NRP1: variants seen among roughly 807,000 people sequenced by gnomAD.
NRP1 encodes the protein neuropilin 1.
Under a neutral mutation model 106.7 loss-of-function variants are expected in NRP1, and 35 were observed. That is an observed-to-expected ratio of 0.33 (90% confidence interval 0.25 to 0.43). The LOEUF is 0.43. Ranked by LOEUF, NRP1 falls within the 20% of genes least tolerant of loss-of-function variation. The pLI is 1.00. For missense variants in NRP1, 1,024 were observed against 1,170.4 expected (o/e 0.87, Z 1.83); for synonymous variants, 437 against 417.9 (o/e 1.05, Z -0.56).
intron 2 of NRP1, among the ~76,000 whole-genome samples, chr10:33,305,303 C>T (rs1051368804): frequency 3.9e-5 from 6 of 152,150 alleles, no homozygotes; most frequent in Admixed American, 6.5e-5. Context: ...ATAATTGATG[C>T]ATGTTGGAAA....
chr10:33,277,126 GAA>G (rs1033238615), intron 2 of NRP1, among the ~76,000 whole-genome samples: 1 of 147,640 alleles, frequency 6.8e-6, no homozygotes, highest in Non-Finnish European at 1.5e-5. Context: ...AAAAAAAAAA[GAA>G]AAAAAATTGC....
intron 2 of NRP1, among the ~76,000 whole-genome samples, chr10:33,295,960 A>G (rs1382006544): frequency 6.6e-6 from 1 of 152,202 alleles, no homozygotes; most frequent in African/African-American, 2.4e-5. Context: ...TTTTGCTTCT[A>G]CAAAATGCCA....
chr10:33,232,611 T>C (rs1360069473), intron 6 of NRP1, among the ~76,000 whole-genome samples: 1 of 151,770 alleles, frequency 6.6e-6, no homozygotes, highest in Non-Finnish European at 1.5e-5. Flanking sequence ...CCTTTTGAGT[T>C]CTAGTGGCCG....
rs773172539 is a variant in NRP1 at position 33,207,652 on chromosome 10, C to T, written c.1679G>A (p.Arg560Gln). 1.8e-5 allele frequency: 29 copies of T among 1,613,984 alleles called. No individual in the cohort carries two copies. The highest frequency in any genetic ancestry group is 1.6e-4 in the Middle Eastern group (1 of 6,082). ...ELRTFPALST[R>Q]FIRIYPERAT... is the part of the protein sequence containing the mutation. ...TCTCTCGGGGTAGATCCTGATGAATCGCGTGGAGAGAGCTGGAAAAGTCCG... is the reference window on the plus strand; with the variant it reads ...TCTCTCGGGGTAGATCCTGATGAATTGCGTGGAGAGAGCTGGAAAAGTCCG... Residue 560 changes from arginine (R) to glutamine (Q), a missense_variant, in exon 10 of 17, where the codon CGA becomes CAA. Coordinates refer to ENST00000374867, the MANE Select transcript of NRP1 (RefSeq NM_003873.7).
At chr10:33,209,153 T>C (rs931788376) in intron 9 of NRP1, among the ~76,000 whole-genome samples, 4 of 152,130 alleles carry the variant, frequency 2.6e-5, no homozygotes, top group Admixed American at 1.3e-4. Flanking sequence ...GTGATCTGCC[T>C]GCCTTGGCCT....
chr10:33,323,096 A>T (rs1847633622), intron 2 of NRP1, among the ~76,000 whole-genome samples: 1 of 152,166 alleles, frequency 6.6e-6, no homozygotes, highest in Admixed American at 6.5e-5. Context: ...TAGGTTGGAC[A>T]TGGTGGCTCA....
At chr10:33,241,741 C>T (rs1268006847) in intron 6 of NRP1, among the ~76,000 whole-genome samples, 1 of 151,844 alleles carries the variant, frequency 6.6e-6, no homozygotes, top group South Asian at 2.1e-4. Flanking sequence ...AAAGACATTC[C>T]TTTCATACAA....
intron 6 of NRP1, among the ~76,000 whole-genome samples, chr10:33,229,684 CA>C (rs1297788885): frequency 1.3e-5 from 2 of 152,014 alleles, no homozygotes; most frequent in Non-Finnish European, 2.9e-5. Context: ...AACTGGTGAT[CA>C]AACAGAAGAT....
At chr10:33,323,042 C>T (rs1284066420) in intron 2 of NRP1, among the ~76,000 whole-genome samples, 1 of 152,020 alleles carries the variant, frequency 6.6e-6, no homozygotes, top group Non-Finnish European at 1.5e-5. Flanking sequence ...GTGCTCATCC[C>T]CATAATGGGC....
intron 5 of NRP1, 132 bp downstream of exon 5, chr10:33,256,184 G>C (rs1182818630): frequency 3.6e-6 from 3 of 839,410 alleles, no homozygotes; most frequent in Non-Finnish European, 5.6e-6. Flanking sequence ...AAAACATTTA[G>C]AAGAGAAAAA....
At chr10:33,306,840 T>G (rs1846200643) in intron 2 of NRP1, among the ~76,000 whole-genome samples, 1 of 152,164 alleles carries the variant, frequency 6.6e-6, no homozygotes, top group Non-Finnish European at 1.5e-5. Flanking sequence ...AATTAATGAG[T>G]GATAGAGACT....
intron 9 of NRP1, among the ~76,000 whole-genome samples, chr10:33,208,785 AG>A (rs1311855704): frequency 2.0e-5 from 3 of 152,064 alleles, no homozygotes; most frequent in Non-Finnish European, 4.4e-5. Flanking sequence ...AAACCATAAA[AG>A]TTCCTCAATT....
At chr10:33,203,954 A>T (rs1227923387) in intron 10 of NRP1, among the ~76,000 whole-genome samples, 1 of 85,616 alleles carries the variant, frequency 1.2e-5, no homozygotes, top group African/African-American at 3.2e-5. Context: ...GTTAGCCAGG[A>T]TGGTCTCGAT....
At chr10:33,218,099 G>A (rs1321164032) in intron 8 of NRP1, among the ~76,000 whole-genome samples, 1 of 152,110 alleles carries the variant, frequency 6.6e-6, no homozygotes, top group Non-Finnish European at 1.5e-5. Context: ...GTGTTGAAGC[G>A]CTGGGTAACA....
At chr10:33,308,194 A>ATAGCAGGG (rs981307706) in intron 2 of NRP1, among the ~76,000 whole-genome samples, 1 of 152,076 alleles carries the variant, frequency 6.6e-6, no homozygotes, top group African/African-American at 2.4e-5. Context: ...AGAACAACAG[A>ATAGCAGGG]TAGCAGGGTC....
intron 6 of NRP1, among the ~76,000 whole-genome samples, chr10:33,228,302 G>A (rs1839835768): frequency 6.6e-6 from 1 of 152,138 alleles, no homozygotes; most frequent in Non-Finnish European, 1.5e-5. Context: ...AACCCTGGAG[G>A]CAGACGCCGC....
rs376317997 is a variant in NRP1, at chr10:33,178,365, G to A, written c.*1711C>T. ...ATATTTGCTTCCCTGTGCTGTTAGA[G>A]GCTTAGATGTTGCCAGCCCTAAGGC... On this transcript the variant is annotated 3_prime_UTR_variant, in exon 17 of 17. Coordinates refer to ENST00000374867, the MANE Select transcript of NRP1 (RefSeq NM_003873.7). 1 of 152,218 alleles carries A rather than the reference G, an allele frequency of 6.6e-6. No homozygotes were observed. The highest frequency in any genetic ancestry group is 2.4e-5 in the African/African-American group (1 of 41,464). 9.4% of individuals were successfully genotyped at this position (152,218 alleles called of 1,614,324 possible).
intron 13 of NRP1, among the ~76,000 whole-genome samples, chr10:33,191,586 A>G (rs1378824879): frequency 1.3e-5 from 2 of 152,218 alleles, no homozygotes; most frequent in Admixed American, 6.5e-5. Context: ...TGATCTGATA[A>G]TTGTTGAAGC....
chr10:33,321,177 G>A (rs971771721), intron 2 of NRP1, among the ~76,000 whole-genome samples: 5 of 152,114 alleles, frequency 3.3e-5, no homozygotes, highest in African/African-American at 4.8e-5. Flanking sequence ...AGTAGAGACC[G>A]GGTTTCACCA....
Sources: gnomAD v4.1 joint callset for allele counts (sites outside exome capture counted in the v4.1 genomes callset) on GRCh38, gnomAD v4.1.1 for gene constraint, MANE v1.5 for transcripts, NCBI Gene and HGNC (gene_info 2026-07-23, HGNC 2026-07-21) for gene names.